Variants in NXPE4 observed in about 807,000 individuals in gnomAD.
The protein encoded by NXPE4 is NXPE family member 4.
Under a neutral mutation model 33.3 loss-of-function variants are expected in NXPE4, and 42 were observed. The ratio of observed to expected loss-of-function variants is 1.26; its 90% CI spans 0.98 to 1.63. NXPE4 has a LOEUF of 1.63. Ranked by LOEUF, NXPE4 falls within the 40% of genes most tolerant of loss-of-function variation. The pLI is 0.00. For synonymous variants in NXPE4, 253 were observed against 234.9 expected, an observed-to-expected ratio of 1.08 and a Z score of -0.71; for missense variants, 709 against 647.6, an observed-to-expected ratio of 1.09 and a Z score of -1.03.
At chr11:114,612,640 G>A in the NXPE4 span, among the ~76,000 whole-genome samples, 7 of 151,810 alleles carry the variant, frequency 4.6e-5, no homozygotes, top group Admixed American at 6.6e-5. Context: ...GTATTGCCTC[G>A]TGGGTAACCA....
rs899778657 is a variant in NXPE4, at chr11:114,583,596, G to A, written c.97-575C>T. ...TTTGACTTCTGTCAGTTGTCTACTG[G>A]TGGCTCTGTGGCAAGTGCTGTGAAA... On this transcript the variant is annotated intron_variant, in intron 2 of 5. Transcript: ENST00000375478. 60 of 594,740 alleles carry A rather than the reference G, an allele frequency of 1.0e-4. 1 individual carries two copies. In the Admixed American group the frequency reaches 1.1e-3, roughly 11 times the overall value. The allele number at this position is 594,740 out of a possible 1,614,324, so 36.8% of individuals were successfully genotyped here.
At chr11:114,677,122 GA>G in the NXPE4 span, among the ~76,000 whole-genome samples, 19 of 152,164 alleles carry the variant, frequency 1.2e-4, no homozygotes, top group Middle Eastern at 3.4e-3. Flanking sequence ...TGGTCAGGGA[GA>G]GGGGCAAATA....
upstream of NXPE4, among the ~76,000 whole-genome samples, chr11:114,600,693 A>C (rs111962142): frequency 2.6e-5 from 4 of 152,242 alleles, no homozygotes; most frequent in African/African-American, 9.6e-5. Context: ...GAAGGACATT[A>C]ACGGAAAAAC....
chr11:114,600,263 A>G (rs1591361705), upstream of NXPE4, among the ~76,000 whole-genome samples: 2 of 152,304 alleles, frequency 1.3e-5, no homozygotes, highest in Middle Eastern at 6.8e-3. Flanking sequence ...GTAAGAAGAC[A>G]TATCTTGGTT....
intron 5 of NXPE4, 60 bp from the exon 6 acceptor site, chr11:114,571,533 A>G: frequency 1.4e-6 from 2 of 1,388,556 alleles, no homozygotes; most frequent in Non-Finnish European, 2.0e-6. Context: ...GATTGAGTAG[A>G]TATAAAGATG....
the NXPE4 span, among the ~76,000 whole-genome samples, chr11:114,644,775 A>C: frequency 0.092 from 13,966 of 151,966 alleles, 761 homozygotes; most frequent in Middle Eastern, 0.2. Context: ...ATACATATCT[A>C]AATCTGCAGA....
the NXPE4 span, among the ~76,000 whole-genome samples, chr11:114,632,678 A>C: frequency 1.7e-4 from 10 of 58,026 alleles, no homozygotes; most frequent in African/African-American, 1.0e-3. Context: ...ATATATATTT[A>C]TATATATAAA....
At chr11:114,631,352 G>T in the NXPE4 span, among the ~76,000 whole-genome samples, 1 of 151,824 alleles carries the variant, frequency 6.6e-6, no homozygotes, top group Non-Finnish European at 1.5e-5. Context: ...CATAAAAAAT[G>T]ATGAGTTCAT....
At chr11:114,647,328 T>C in the NXPE4 span, among the ~76,000 whole-genome samples, 1 of 152,208 alleles carries the variant, frequency 6.6e-6, no homozygotes, top group African/African-American at 2.4e-5. Context: ...TAAAGTTTTA[T>C]AAAATGAATT....
At chr11:114,642,290 A>C in the NXPE4 span, among the ~76,000 whole-genome samples, 1 of 152,068 alleles carries the variant, frequency 6.6e-6, no homozygotes, top group African/African-American at 2.4e-5. Context: ...TGTTTATAAA[A>C]TACCTGACCA....
the NXPE4 span, among the ~76,000 whole-genome samples, chr11:114,658,362 C>T: frequency 5.3e-5 from 8 of 152,200 alleles, no homozygotes; most frequent in Non-Finnish European, 1.0e-4. Context: ...ATAGAATTTC[C>T]GGGAGCACAG....
At chr11:114,621,076 G>A in the NXPE4 span, among the ~76,000 whole-genome samples, 15 of 152,158 alleles carry the variant, frequency 9.9e-5, no homozygotes, top group South Asian at 2.1e-4. Context: ...CTATTACCCC[G>A]TGGATAATAA....
the NXPE4 span, among the ~76,000 whole-genome samples, chr11:114,643,338 A>G: frequency 6.6e-6 from 1 of 152,212 alleles, no homozygotes; most frequent in South Asian, 2.1e-4. Context: ...GCCCATGCCT[A>G]CATCCTGAAT....
At chr11:114,605,441 T>C in the NXPE4 span, among the ~76,000 whole-genome samples, 1 of 151,922 alleles carries the variant, frequency 6.6e-6, no homozygotes, top group African/African-American at 2.4e-5. Context: ...TAACCACTGT[T>C]ACCCACTGGA....
At chr11:114,616,888 C>T in the NXPE4 span, among the ~76,000 whole-genome samples, 1 of 150,880 alleles carries the variant, frequency 6.6e-6, no homozygotes, top group African/African-American at 2.5e-5. Context: ...CCGCTGGATA[C>T]TAGGTATTGT....
chr11:114,646,175 A>C, the NXPE4 span, among the ~76,000 whole-genome samples: 1 of 152,006 alleles, frequency 6.6e-6, no homozygotes, highest in Non-Finnish European at 1.5e-5. Flanking sequence ...TCTATATCTT[A>C]AACTAACTAT....
At chr11:114,633,708 T>C in the NXPE4 span, among the ~76,000 whole-genome samples, 2 of 148,224 alleles carry the variant, frequency 1.3e-5, no homozygotes, top group Non-Finnish European at 3.0e-5. Context: ...AGTGAGAACA[T>C]GTGGCGTTTG....
In NXPE4 at chr11:114,590,153, C is replaced by T. The variant is rs147942898; in HGVS notation, c.96+4511G>A. On this transcript the variant is annotated intron_variant, in intron 2 of 5. Coordinates refer to ENST00000375478, the MANE Select transcript of NXPE4 (RefSeq NM_001077639.2). ...TGTCAAAGGACCTCTCTGAGTTTTC[C>T]CATCCTCAGGTCAGGGTCTTGCAAT... Among the ~76,000 whole-genome samples the T allele has an allele frequency of 3.5e-3, 538 of 152,286 alleles. 2 individuals carry two copies. Among genetic ancestry groups the T allele is most frequent in the African/African-American group, 0.013 (520 of 41,546 alleles).
At chr11:114,611,267 A>C in the NXPE4 span, among the ~76,000 whole-genome samples, 2 of 151,692 alleles carry the variant, frequency 1.3e-5, no homozygotes, top group South Asian at 4.1e-4. Flanking sequence ...TAGGGTAACC[A>C]CTGTTACCCT....
Sources: gnomAD v4.1 joint callset for allele counts (sites outside exome capture counted in the v4.1 genomes callset) on GRCh38, gnomAD v4.1.1 for gene constraint, MANE v1.5 for transcripts, NCBI Gene and HGNC (gene_info 2026-07-23, HGNC 2026-07-21) for gene names.